CACHD1: variants seen among roughly 807,000 people sequenced by gnomAD.
CACHD1 encodes cache domain containing 1.
A neutral mutation model predicts 138.7 loss-of-function variants in CACHD1; 71 were observed. The ratio of observed to expected loss-of-function variants is 0.51; its 90% confidence interval spans 0.42 to 0.62. The LOEUF (loss-of-function observed/expected upper bound fraction) is 0.62. Ranked by LOEUF, CACHD1 falls within the 20% of genes least tolerant of loss-of-function variation. CACHD1 has a pLI of 0.00. For synonymous variants in CACHD1, 578 were observed against 591.5 expected, an observed-to-expected ratio of 0.98 and a Z score of 0.33; for missense variants, 1,389 against 1,625.3, an observed-to-expected ratio of 0.85 and a Z score of 2.50.
intron 1 of CACHD1, among the ~76,000 whole-genome samples, chr1:64,511,342 C>CT (rs1402487722): frequency 1.3e-5 from 2 of 152,156 alleles, no homozygotes; most frequent in East Asian, 1.9e-4. Flanking sequence ...ACATCCAGGG[C>CT]TTTTATATTT....
In CACHD1 at chr1:64,470,729, A is replaced by T. The variant is rs952045736; in HGVS notation, c.-16A>T. The T allele has an allele frequency of 3.7e-6, 2 of 540,124 alleles. No homozygotes were observed. The highest frequency in any genetic ancestry group is 4.1e-5 in the Admixed American group (1 of 24,180). 33.5% of individuals were successfully genotyped at this position (540,124 alleles called of 1,614,324 possible). ...CCGCGCCCGGAGCCCGTCGGCGGGGAGTGGGGGGAGGCAGCATGGCCCGCC... is the reference window on the plus strand; with the variant it reads ...CCGCGCCCGGAGCCCGTCGGCGGGGTGTGGGGGGAGGCAGCATGGCCCGCC... On this transcript the variant is annotated 5_prime_UTR_variant, in exon 1 of 27. Coordinates refer to ENST00000651257, the MANE Select transcript of CACHD1 (RefSeq NM_020925.4). This position sits in a 1 kb window ranked among gnomAD's most constrained non-coding sequence, Gnocchi z 5.2.
intron 2 of CACHD1, among the ~76,000 whole-genome samples, chr1:64,567,445 A>G (rs1472163937): frequency 1.3e-5 from 2 of 152,128 alleles, no homozygotes; most frequent in African/African-American, 4.8e-5. Flanking sequence ...AAAAGATTTT[A>G]TTTATTCAAC....
chr1:64,646,363 A>G (rs530363200), intron 8 of CACHD1, among the ~76,000 whole-genome samples: 7 of 152,206 alleles, frequency 4.6e-5, no homozygotes, highest in African/African-American at 1.4e-4. Flanking sequence ...TGGCCCAGGT[A>G]TTTTTTGCTT....
At chr1:64,587,052 A>G (rs938192639) in intron 3 of CACHD1, among the ~76,000 whole-genome samples, 5 of 152,212 alleles carry the variant, frequency 3.3e-5, no homozygotes, top group African/African-American at 1.2e-4. Context: ...CTCCAGTCTT[A>G]GTTCTGAATC....
intron 1 of CACHD1, among the ~76,000 whole-genome samples, chr1:64,471,778 G>C (rs938665248): frequency 6.6e-6 from 1 of 152,120 alleles, no homozygotes; most frequent in Non-Finnish European, 1.5e-5. Flanking sequence ...CGTCCTCCTC[G>C]GGAGAGGAAG....
chr1:64,664,516 G>C lies in CACHD1; in HGVS notation c.2113G>C (p.Val705Leu). The part of the protein sequence containing the change: ...PGLKFSVRNE[V>L]MATSHVTDEW... ...TTCCCAGTTCTCTGTCAGAAATGAA[G>C]TAATGGCTACCAGCCACGTCACAGA... The change falls in exon 15 of 27, where the codon GTA becomes CTA. Residue 705 changes from valine (V) to leucine (L), a missense_variant. Physicochemically the swap from Val to Leu is conservative, Grantham distance 32. This residue lies in a region of CACHD1 where 1,000 missense variants were observed against 1,114.7 expected (regional missense o/e 0.90). Coordinates refer to ENST00000651257, the MANE Select transcript of CACHD1 (RefSeq NM_020925.4). The C allele has an allele frequency of 6.2e-7, 1 of 1,614,150 alleles. No homozygotes were observed. The highest frequency in any genetic ancestry group is 2.2e-5 in the East Asian group (1 of 44,870).
intron 23 of CACHD1, among the ~76,000 whole-genome samples, chr1:64,678,946 T>A (rs1650081721): frequency 6.6e-6 from 1 of 152,162 alleles, no homozygotes; most frequent in African/African-American, 2.4e-5. Flanking sequence ...TAGAGTCAAA[T>A]ATTTAAATCC....
At chr1:64,640,846 T>C (rs2100657806) in intron 7 of CACHD1, among the ~76,000 whole-genome samples, 1 of 152,106 alleles carries the variant, frequency 6.6e-6, no homozygotes, top group African/African-American at 2.4e-5. Context: ...TGTGGTCATT[T>C]AGCCTCTGCT....
At chr1:64,576,203 G>C (rs1273878878) in intron 2 of CACHD1, among the ~76,000 whole-genome samples, 1 of 152,204 alleles carries the variant, frequency 6.6e-6, no homozygotes, top group Non-Finnish European at 1.5e-5. Flanking sequence ...AAGCTGAGCT[G>C]TGGAAAGAAA....
At chr1:64,608,650 T>C (rs1359035114) in intron 4 of CACHD1, among the ~76,000 whole-genome samples, 4 of 152,228 alleles carry the variant, frequency 2.6e-5, no homozygotes, top group Non-Finnish European at 5.9e-5. Context: ...TGACTCCTTG[T>C]CCCTGAGTCT....
At chr1:64,630,463 G>A (rs538176040) in intron 5 of CACHD1, among the ~76,000 whole-genome samples, 3 of 152,048 alleles carry the variant, frequency 2.0e-5, no homozygotes, top group African/African-American at 7.2e-5. Flanking sequence ...ACCATGCCTG[G>A]CTAATTTTTG....
chr1:64,528,750 T>C (rs944344099), intron 1 of CACHD1, among the ~76,000 whole-genome samples: 11 of 151,258 alleles, frequency 7.3e-5, no homozygotes, highest in Admixed American at 7.3e-4. Context: ...ATTATAAACA[T>C]TTTTTTTTGT....
chr1:64,623,658 G>A (rs1333142886), intron 4 of CACHD1, among the ~76,000 whole-genome samples: 1 of 152,202 alleles, frequency 6.6e-6, no homozygotes, highest in Non-Finnish European at 1.5e-5. Flanking sequence ...ATAATGCGGA[G>A]TGGAAGGTAG....
chr1:64,656,038 C>T (rs550588383), intron 12 of CACHD1, among the ~76,000 whole-genome samples: 3 of 152,238 alleles, frequency 2.0e-5, no homozygotes, highest in South Asian at 2.1e-4. Flanking sequence ...AACAGCAACT[C>T]GATACAGTGT....
At chr1:64,557,639 A>C (rs146230826) in intron 2 of CACHD1, among the ~76,000 whole-genome samples, 46 of 152,206 alleles carry the variant, frequency 3.0e-4, no homozygotes, top group African/African-American at 1.1e-3. Flanking sequence ...TATATTAAAC[A>C]AACAAAAGAC....
intron 7 of CACHD1, among the ~76,000 whole-genome samples, chr1:64,636,068 G>A (rs551058701): frequency 6.0e-5 from 9 of 150,920 alleles, no homozygotes; most frequent in African/African-American, 9.8e-5. Flanking sequence ...CCAAGATTGC[G>A]CCACTGTACT....
At chr1:64,550,457 C>A in intron 1 of CACHD1, 137 bp from the exon 2 acceptor site, 1 of 608,226 alleles carries the variant, frequency 1.6e-6, no homozygotes, top group Non-Finnish European at 2.9e-6. Flanking sequence ...TTGGGTTTCT[C>A]TCTGTAAAAT....
At chr1:64,642,787 G>A (rs1188856223) in intron 8 of CACHD1, among the ~76,000 whole-genome samples, 1 of 150,836 alleles carries the variant, frequency 6.6e-6, no homozygotes, top group Admixed American at 6.6e-5. Context: ...ATTCACGCCT[G>A]TAATCCCAAC....
At chr1:64,567,391 C>T (rs545016837) in intron 2 of CACHD1, among the ~76,000 whole-genome samples, 3 of 151,924 alleles carry the variant, frequency 2.0e-5, no homozygotes, top group Non-Finnish European at 4.4e-5. Flanking sequence ...AAATGCCAGA[C>T]GGTTGCAAGA....
Sources: allele counts gnomAD v4.1 joint callset (sites outside exome capture counted in the v4.1 genomes callset), GRCh38; gene constraint gnomAD v4.1.1; regional missense constraint gnomAD v4.1.1; non-coding constraint Gnocchi (gnomAD v3.1); transcripts MANE v1.5; gene names NCBI Gene and HGNC (gene_info 2026-07-23, HGNC 2026-07-21).